IL1RAPL1: variants seen among roughly 807,000 people sequenced by gnomAD.
IL1RAPL1 encodes the protein interleukin-1 receptor accessory protein-like 1.
In IL1RAPL1, 3 loss-of-function variants were observed where a neutral mutation model predicts 48.4. That is an observed-to-expected ratio of 0.06 (90% CI 0.03 to 0.16). The LOEUF is 0.16. Among genes scored for constraint, IL1RAPL1 ranks in the 10% least tolerant of loss-of-function variants. The probability of loss-of-function intolerance (pLI) is 1.00; values close to 1 mark genes in which losing one functional copy is unlikely to be tolerated. For synonymous variants in IL1RAPL1, 185 were observed against 187.7 expected (o/e 0.99, Z 0.12); for missense variants, 349 against 530.6 (o/e 0.66, Z 3.36).
At chrX:29,298,797 A>G (rs915492928) in intron 3 of IL1RAPL1, among the ~76,000 whole-genome samples, 2 of 111,736 alleles carry the variant, frequency 1.8e-5, no homozygotes, top group Non-Finnish European at 3.8e-5. Context: ...GTGTCAGTGT[A>G]ATTGGAATGT....
intron 2 of IL1RAPL1, among the ~76,000 whole-genome samples, chrX:28,921,790 C>T: frequency 8.9e-6 from 1 of 112,173 alleles, no homozygotes; most frequent in Middle Eastern, 4.6e-3. Context: ...AATAAAGGAA[C>T]ACCCATGGCA....
intron 2 of IL1RAPL1, among the ~76,000 whole-genome samples, chrX:28,831,036 G>A (rs866422231): frequency 2.3e-5 from 1 of 43,166 alleles, no homozygotes; most frequent in Non-Finnish European, 3.9e-5. Context: ...CTGTGTGTGT[G>A]TGTGTGTGTG....
intron 5 of IL1RAPL1, among the ~76,000 whole-genome samples, chrX:29,437,942 A>T (rs1934500727): frequency 9.0e-6 from 1 of 111,202 alleles, no homozygotes; most frequent in Non-Finnish European, 1.9e-5. Context: ...AAGAGGTAGT[A>T]TAAGATTGAT....
chrX:29,693,967 T>G (rs1183176972), intron 6 of IL1RAPL1, among the ~76,000 whole-genome samples: 1 of 111,840 alleles, frequency 8.9e-6, no homozygotes, highest in Non-Finnish European at 1.9e-5. Context: ...CATGTAAGAT[T>G]CGGTTAAGTA....
intron 2 of IL1RAPL1, among the ~76,000 whole-genome samples, chrX:28,949,034 A>C (rs1454499730): frequency 9.0e-6 from 1 of 110,791 alleles, no homozygotes; most frequent in Non-Finnish European, 1.9e-5. Flanking sequence ...TATTGTTATT[A>C]TTATTATTAT....
At chrX:29,229,585 A>G (rs1931154606) in intron 2 of IL1RAPL1, among the ~76,000 whole-genome samples, 1 of 111,719 alleles carries the variant, frequency 9.0e-6, no homozygotes, top group Non-Finnish European at 1.9e-5. Context: ...ATCTCATGGA[A>G]GGTGTGGAGA....
intron 6 of IL1RAPL1, among the ~76,000 whole-genome samples, chrX:29,809,353 T>G (rs1930331058): frequency 9.2e-6 from 1 of 108,904 alleles, no homozygotes; most frequent in South Asian, 4.1e-4. Flanking sequence ...TGATCCGCCC[T>G]CAGCCTCCCA....
chrX:29,114,301 G>A (rs1928633466), intron 2 of IL1RAPL1, among the ~76,000 whole-genome samples: 1 of 112,182 alleles, frequency 8.9e-6, no homozygotes, highest in African/African-American at 3.2e-5. Context: ...AATAGTTAAA[G>A]AGCTTTTCAG....
At chrX:29,044,192 G>A (rs1411034244) in intron 2 of IL1RAPL1, among the ~76,000 whole-genome samples, 3 of 110,214 alleles carry the variant, frequency 2.7e-5, no homozygotes, top group African/African-American at 1.0e-4. Flanking sequence ...AGCACTTTGG[G>A]AGGCCAAGGC....
At chrX:29,177,087 C>G (rs768473666) in intron 2 of IL1RAPL1, among the ~76,000 whole-genome samples, 1 of 111,164 alleles carries the variant, frequency 9.0e-6, no homozygotes, top group Non-Finnish European at 1.9e-5. Flanking sequence ...TCTCCCTTCT[C>G]CTATAAAGGG....
intron 5 of IL1RAPL1, among the ~76,000 whole-genome samples, chrX:29,581,000 A>G (rs781026902): frequency 1.4e-4 from 16 of 111,962 alleles, no homozygotes; most frequent in Non-Finnish European, 1.3e-4. Context: ...TTACATCTCA[A>G]TGTAGTCTAA....
At chrX:28,634,443 TTATATATGTATATATGTG>T (rs1284452416) in intron 1 of IL1RAPL1, among the ~76,000 whole-genome samples, 5 of 109,237 alleles carry the variant, frequency 4.6e-5, no homozygotes, top group Non-Finnish European at 9.5e-5. Context: ...ATACACGTAT[TTATATATGTATATATGTG>T]TATATATGTA....
intron 2 of IL1RAPL1, among the ~76,000 whole-genome samples, chrX:28,910,596 GT>G (rs1287691685): frequency 9.4e-6 from 1 of 106,433 alleles, no homozygotes; most frequent in African/African-American, 3.4e-5. Flanking sequence ...AAAAAAAAAC[GT>G]TTTGTAAAGC....
At chrX:29,310,906 T>C (rs1932715845) in intron 3 of IL1RAPL1, among the ~76,000 whole-genome samples, 1 of 112,343 alleles carries the variant, frequency 8.9e-6, no homozygotes, top group African/African-American at 3.2e-5. Flanking sequence ...TCTTCTTTGA[T>C]GTTACTCTAA....
At chrX:29,019,833 G>A (rs1324696723) in intron 2 of IL1RAPL1, among the ~76,000 whole-genome samples, 3 of 112,224 alleles carry the variant, frequency 2.7e-5, no homozygotes, top group Admixed American at 9.5e-5. Context: ...AAGGAGTGGA[G>A]CATGTCAGAA....
chrX:29,034,639 G>A (rs1339050109), intron 2 of IL1RAPL1, among the ~76,000 whole-genome samples: 1 of 111,138 alleles, frequency 9.0e-6, no homozygotes, highest in Non-Finnish European at 1.9e-5. Flanking sequence ...ATTTATACTA[G>A]TTTTACAAAA....
At chrX:29,020,788 A>G (rs965705745) in intron 2 of IL1RAPL1, among the ~76,000 whole-genome samples, 1 of 112,081 alleles carries the variant, frequency 8.9e-6, no homozygotes, top group Non-Finnish European at 1.9e-5. Flanking sequence ...CTTTTCGCAT[A>G]TAAAGTCATT....
rs144871424 is a variant in IL1RAPL1 at position 28,791,444 on chromosome X, T to G, written c.82+2019T>G. ...CTAAAGACCTGAGAAAACTCAAGAA[T>G]CTGTCTCAAATTCAGTTTTATTTTA... is the stretch of plus-strand genomic sequence containing the variant. On this transcript the variant is annotated intron_variant, in intron 2 of 10. Coordinates refer to ENST00000378993, the MANE Select transcript of IL1RAPL1 (RefSeq NM_014271.4). Among the ~76,000 whole-genome samples the G allele has an allele frequency of 2.6e-3, 293 of 112,273 alleles. 1 individual carries two copies. Among genetic ancestry groups the G allele is most frequent in the African/African-American group, 9.1e-3 (281 of 30,970 alleles).
At chrX:28,815,851 A>G (rs867878492) in intron 2 of IL1RAPL1, among the ~76,000 whole-genome samples, 3,226 of 59,224 alleles carry the variant, frequency 0.054, 200 homozygotes, top group African/African-American at 0.14. Flanking sequence ...ATATATATAT[A>G]TATATATATA....
Sources: gnomAD v4.1 joint callset for allele counts (sites outside exome capture counted in the v4.1 genomes callset) on GRCh38, gnomAD v4.1.1 for gene constraint, MANE v1.5 for transcripts, NCBI Gene and HGNC (gene_info 2026-07-23, HGNC 2026-07-21) for gene names.